Variants in AGBL4 observed in about 807,000 individuals in gnomAD.
The protein encoded by AGBL4 is AGBL carboxypeptidase 4.
Under a neutral mutation model 66.4 loss-of-function variants are expected in AGBL4, and 58 were observed. The ratio of observed to expected loss-of-function variants is 0.87; its 90% CI spans 0.71 to 1.09. The LOEUF (loss-of-function observed/expected upper bound fraction) is 1.09. Ranked by LOEUF, AGBL4 falls within the 50% of genes least tolerant of loss-of-function variation. The pLI is 0.00. For synonymous variants in AGBL4, 234 were observed against 222.9 expected (o/e 1.05, Z -0.44); for missense variants, 579 against 631.0 (o/e 0.92, Z 0.88).
chr1:49,829,606 C>T (rs1435750842), intron 2 of AGBL4, among the ~76,000 whole-genome samples: 1 of 152,092 alleles, frequency 6.6e-6, no homozygotes, highest in Admixed American at 6.6e-5. Context: ...AAAATCATCT[C>T]ACACATAATT....
At chr1:48,706,927 G>C (rs1405672730) in intron 6 of AGBL4, among the ~76,000 whole-genome samples, 1 of 152,182 alleles carries the variant, frequency 6.6e-6, no homozygotes, top group Admixed American at 6.5e-5. Flanking sequence ...TCCTGAGGTC[G>C]TTCTTGAGTG....
chr1:49,597,234 T>A (rs538274741), intron 3 of AGBL4, among the ~76,000 whole-genome samples: 1 of 152,210 alleles, frequency 6.6e-6, no homozygotes, highest in African/African-American at 2.4e-5. Context: ...AGACACTATG[T>A]TGAGCATTAC....
chr1:49,216,358 C>G (rs1477247154), intron 4 of AGBL4, among the ~76,000 whole-genome samples: 4 of 151,980 alleles, frequency 2.6e-5, no homozygotes, highest in African/African-American at 4.8e-5. Flanking sequence ...TCCTAACACA[C>G]AGATAGCAAG....
intron 4 of AGBL4, among the ~76,000 whole-genome samples, chr1:49,167,079 T>C (rs1290572018): frequency 6.6e-6 from 1 of 152,178 alleles, no homozygotes; most frequent in Non-Finnish European, 1.5e-5. Context: ...TAATTGTTAG[T>C]TTTCCTACAA....
chr1:49,844,700 C>A (rs537254996), intron 2 of AGBL4: 1 of 1,600,224 alleles, frequency 6.2e-7, no homozygotes, highest in Non-Finnish European at 8.5e-7. Flanking sequence ...GACTTGGAAA[C>A]TAGACCCAAA....
At chr1:49,213,690 C>A (rs992053830) in intron 4 of AGBL4, among the ~76,000 whole-genome samples, 4 of 152,086 alleles carry the variant, frequency 2.6e-5, no homozygotes, top group Non-Finnish European at 4.4e-5. Context: ...TTCTTTATAA[C>A]AATGCAAAAA....
intron 3 of AGBL4, among the ~76,000 whole-genome samples, chr1:49,430,687 T>G (rs1468532860): frequency 2.2e-5 from 3 of 138,770 alleles, no homozygotes; most frequent in Non-Finnish European, 5.0e-5. Flanking sequence ...AAGTATAAAC[T>G]TAATTAATTA....
At chr1:49,423,242 C>T (rs994557218) in intron 3 of AGBL4, 3 of 152,210 alleles carry the variant, frequency 2.0e-5, no homozygotes, top group Non-Finnish European at 4.4e-5. Context: ...GTCTGTGTCT[C>T]CTCCTAGACT....
rs147344600 is a variant in AGBL4, at chr1:49,722,362, G to T, written c.158-24925C>A. Among the ~76,000 whole-genome samples, 68 of 152,162 alleles carry T rather than the reference G, an allele frequency of 4.5e-4. 1 individual carries two copies. In the East Asian group the frequency reaches 0.012, roughly 27 times the overall value. On this transcript the variant is annotated intron_variant, in intron 2 of 13. Transcript: ENST00000371839. ...AACTGCCCTTGCTTCCAGCCTTCAG[G>T]CTTCTTTAGCATTAACAAATGGAGA...
intron 3 of AGBL4, among the ~76,000 whole-genome samples, chr1:49,324,596 A>T (rs1645193152): frequency 6.6e-6 from 1 of 152,248 alleles, no homozygotes. Flanking sequence ...CCTTAAAATA[A>T]AGTGAGTCCT....
chr1:49,561,479 C>A (rs996684236), intron 3 of AGBL4, among the ~76,000 whole-genome samples: 1 of 151,650 alleles, frequency 6.6e-6, no homozygotes. Flanking sequence ...CACAACAGTC[C>A]CCACTGTGTG....
chr1:49,755,226 G>T (rs1348519804), intron 2 of AGBL4, among the ~76,000 whole-genome samples: 1 of 152,060 alleles, frequency 6.6e-6, no homozygotes, highest in African/African-American at 2.4e-5. Context: ...AGAGTAGTCT[G>T]TTTTTCATTT....
At chr1:49,705,171 T>G (rs1647184928) in intron 2 of AGBL4, among the ~76,000 whole-genome samples, 1 of 152,218 alleles carries the variant, frequency 6.6e-6, no homozygotes, top group Non-Finnish European at 1.5e-5. Flanking sequence ...CCTAGGTATT[T>G]TATTCTCTTT....
intron 3 of AGBL4, among the ~76,000 whole-genome samples, chr1:49,372,669 T>TTCTTTCTTTC (rs1157605801): frequency 2.9e-5 from 2 of 68,070 alleles, no homozygotes; most frequent in Non-Finnish European, 6.5e-5. Context: ...CTTTCTTTCT[T>TTCTTTCTTTC]TCTTTCTTTC....
intron 4 of AGBL4, among the ~76,000 whole-genome samples, chr1:49,168,544 A>T (rs1646675236): frequency 2.0e-5 from 3 of 152,262 alleles, no homozygotes; most frequent in South Asian, 4.2e-4. Flanking sequence ...TGCTACCTTT[A>T]TGGTGGGGGT....
intron 1 of AGBL4, among the ~76,000 whole-genome samples, chr1:50,009,618 A>C (rs1242680805): frequency 6.6e-6 from 1 of 152,002 alleles, no homozygotes; most frequent in Admixed American, 6.6e-5. Context: ...AAGGATGCTC[A>C]CTTTCACCAC....
intron 5 of AGBL4, among the ~76,000 whole-genome samples, chr1:49,009,503 A>C (rs1320922742): frequency 2.6e-5 from 4 of 151,948 alleles, no homozygotes; most frequent in Non-Finnish European, 5.9e-5. Context: ...ATAGAAAAAG[A>C]GGGAATCCTC....
chr1:49,291,557 A>C (rs1644533542), intron 3 of AGBL4, among the ~76,000 whole-genome samples: 1 of 152,262 alleles, frequency 6.6e-6, no homozygotes, highest in Admixed American at 6.5e-5. Context: ...ACAAGAGTAT[A>C]TCTGGTATTA....
intron 5 of AGBL4, among the ~76,000 whole-genome samples, chr1:49,029,106 A>G (rs1458804257): frequency 6.6e-6 from 1 of 152,184 alleles, no homozygotes; most frequent in African/African-American, 2.4e-5. Flanking sequence ...AGCTAATGTC[A>G]TATTTAATGG....
Sources: allele counts gnomAD v4.1 joint callset (sites outside exome capture counted in the v4.1 genomes callset), GRCh38; gene constraint gnomAD v4.1.1; transcripts MANE v1.5; gene names NCBI Gene and HGNC (gene_info 2026-07-23, HGNC 2026-07-21).